SLC39A9: variants seen among roughly 807,000 people sequenced by gnomAD.
The protein encoded by SLC39A9 is solute carrier family 39 member 9.
Under a neutral mutation model 28.4 loss-of-function variants are expected in SLC39A9, and 14 were observed. The observed-to-expected ratio is 0.49, with a 90% CI of 0.33 to 0.77. SLC39A9 has a LOEUF of 0.77. SLC39A9 is among the 30% of genes least tolerant of loss of function. SLC39A9 has a pLI of 0.02. For missense variants in SLC39A9, 283 were observed against 381.1 expected (o/e 0.74, Z 2.14); for synonymous variants, 119 against 149.6 (o/e 0.80, Z 1.49).
In SLC39A9 at chr14:69,453,153, A is replaced by G. The variant is rs1022523965; in HGVS notation, c.404-88A>G. The G allele has an allele frequency of 1.8e-5, 21 of 1,138,946 alleles. No individual in the cohort carries two copies. In the South Asian group the frequency reaches 2.3e-4, roughly 13 times the overall value. 70.6% of individuals were successfully genotyped at this position (1,138,946 alleles called of 1,614,324 possible). On this transcript the variant is annotated intron_variant, in intron 3 of 6. Transcript: ENST00000336643. ...GGAGTTTGAGACCAGCCTGGCCAAC[A>G]TTAGTGAAATTCTTTCACCTCCAGA... is the stretch of plus-strand genomic sequence containing the variant.
rs1401385132 is a variant in SLC39A9, at chr14:69,459,005, T to C, written c.*412T>C. 1.0e-6 allele frequency: 1 copy of C among 992,302 alleles called. No homozygotes were observed. Among genetic ancestry groups the C allele is most frequent in the Admixed American group, 5.7e-5 (1 of 17,538 alleles). 61.5% of individuals were successfully genotyped at this position (992,302 alleles called of 1,614,324 possible). ...TTAGTTTAGAGGCTCTGCTACTTTA[T>C]CCATTGATTTTTAACATGGTTCCCA... On this transcript the variant is annotated 3_prime_UTR_variant, in exon 7 of 7. Transcript: ENST00000336643.
In SLC39A9 at chr14:69,455,930, C is replaced by T. The variant is rs117742817; in HGVS notation, c.693+64C>T. ...TGTGATCTCTTAGAATTTATGATCTCTTAGATTGAATTTTTCCAATACATT... is the reference window on the plus strand; with the variant it reads ...TGTGATCTCTTAGAATTTATGATCTTTTAGATTGAATTTTTCCAATACATT... On this transcript the variant is annotated intron_variant, in intron 6 of 6. Coordinates refer to ENST00000336643, the MANE Select transcript of SLC39A9 (RefSeq NM_018375.5). The T allele has an allele frequency of 3.6e-4, 555 of 1,560,786 alleles. 2 individuals are homozygous for T. In the East Asian group the frequency reaches 0.011, roughly 31 times the overall value.
At chr14:69,452,897 G>T (rs1885681482) in intron 3 of SLC39A9, among the ~76,000 whole-genome samples, 1 of 152,168 alleles carries the variant, frequency 6.6e-6, no homozygotes, top group Non-Finnish European at 1.5e-5. Context: ...AGAGGAAGAG[G>T]ATTAAGGAAT....
Position 69,459,539 on chromosome 14 carries a change from G to C in SLC39A9, c.*946G>C, listed in dbSNP as rs998469135. On this transcript the variant is annotated 3_prime_UTR_variant, in exon 7 of 7. Transcript: ENST00000336643. ...TTTTTAAAAGACTACCAAAATGTAT[G>C]GTTGTCCTTTTTTTTTGTTTTTTTT... 1.3e-4 allele frequency: 122 copies of C among 974,832 alleles called. No individual in the cohort carries two copies. The highest frequency in any genetic ancestry group is 1.5e-4 in the Non-Finnish European group (121 of 823,604). 60.4% of individuals were successfully genotyped at this position (974,832 alleles called of 1,614,324 possible).
At chr14:69,416,339 T>C (rs1206076133) in intron 1 of SLC39A9, among the ~76,000 whole-genome samples, 2 of 152,238 alleles carry the variant, frequency 1.3e-5, no homozygotes, top group African/African-American at 4.8e-5. Flanking sequence ...CCATGGTGTA[T>C]ATGTGCCACA....
rs1435457647 is a variant in SLC39A9, at chr14:69,459,934, T to A, written c.*1341T>A. On this transcript the variant is annotated 3_prime_UTR_variant, in exon 7 of 7. Coordinates refer to ENST00000336643, the MANE Select transcript of SLC39A9 (RefSeq NM_018375.5). The stretch of plus-strand genomic sequence containing the variant: ...AATTACCTTTGTGTCAAATGCCGCT[T>A]TGTTGAGCCCTTAAAATACCACCTC... 1 of 985,620 alleles carries A rather than the reference T, an allele frequency of 1.0e-6. No homozygotes were observed. Among genetic ancestry groups the A allele is most frequent in the Non-Finnish European group, 1.2e-6 (1 of 829,920 alleles). 61.1% of individuals were successfully genotyped at this position (985,620 alleles called of 1,614,324 possible).
intron 6 of SLC39A9, among the ~76,000 whole-genome samples, 160 bp downstream of exon 6, chr14:69,456,026 C>G (rs1198708135): frequency 6.6e-6 from 1 of 152,176 alleles, no homozygotes; most frequent in African/African-American, 2.4e-5. Flanking sequence ...CCAATGCGTC[C>G]TCTTCATATT....
At chr14:69,444,249 AT>A (rs1885188120) in intron 3 of SLC39A9, among the ~76,000 whole-genome samples, 1 of 152,182 alleles carries the variant, frequency 6.6e-6, no homozygotes, top group African/African-American at 2.4e-5. Flanking sequence ...ATAAAAACGC[AT>A]TTTTTTCAAG....
chr14:69,398,418 T>C (rs1328901018), upstream of SLC39A9: 1 of 741,616 alleles, frequency 1.3e-6, no homozygotes, highest in Admixed American at 2.6e-5. Flanking sequence ...AGCTACTGAC[T>C]CTGTTTCAGC....
chr14:69,419,745 C>A (rs1883778284), intron 1 of SLC39A9, among the ~76,000 whole-genome samples: 1 of 152,156 alleles, frequency 6.6e-6, no homozygotes, highest in African/African-American at 2.4e-5. Context: ...GATCCCTTTA[C>A]CATTATATAA....
At chr14:69,421,863 C>T (rs114186132) in intron 1 of SLC39A9, among the ~76,000 whole-genome samples, 6,885 of 152,184 alleles carry the variant, frequency 0.045, 212 homozygotes, top group South Asian at 0.11. Flanking sequence ...GTTGGAAAAG[C>T]GCAGTATTTG....
intron 3 of SLC39A9, among the ~76,000 whole-genome samples, chr14:69,448,121 A>C (rs1379022107): frequency 6.9e-6 from 1 of 144,438 alleles, no homozygotes; most frequent in East Asian, 2.2e-4. Context: ...AGGCTGAGGC[A>C]GGAGAATGGC....
intron 1 of SLC39A9, among the ~76,000 whole-genome samples, chr14:69,408,096 C>T (rs963103487): frequency 6.6e-6 from 1 of 151,790 alleles, no homozygotes; most frequent in Non-Finnish European, 1.5e-5. Flanking sequence ...TCACCACAAC[C>T]TCTCTCTTTG....
At chr14:69,418,972 T>G (rs1883734219) in intron 1 of SLC39A9, among the ~76,000 whole-genome samples, 1 of 152,184 alleles carries the variant, frequency 6.6e-6, no homozygotes, top group African/African-American at 2.4e-5. Flanking sequence ...ATTCATTGAT[T>G]TTTTTGAAGG....
At chr14:69,455,676 T>G (rs1186484794) in intron 5 of SLC39A9, 56 bp from the exon 6 acceptor site, 2 of 1,605,392 alleles carry the variant, frequency 1.2e-6, no homozygotes, top group East Asian at 2.2e-5. Context: ...TACTTCTTGA[T>G]GTAGAAGCAA....
chr14:69,448,231 A>G (rs1389335585), intron 3 of SLC39A9, among the ~76,000 whole-genome samples: 1 of 151,028 alleles, frequency 6.6e-6, no homozygotes, highest in Non-Finnish European at 1.5e-5. Context: ...AAAAAAAAAA[A>G]AAGCACAAAA....
chr14:69,425,905 TC>T (rs1231005798), intron 2 of SLC39A9, among the ~76,000 whole-genome samples: 3 of 152,068 alleles, frequency 2.0e-5, no homozygotes, highest in Non-Finnish European at 4.4e-5. Flanking sequence ...ACTCAAGCGA[TC>T]CTCCCAAGTT....
chr14:69,404,483 CT>C (rs1882804875), intron 1 of SLC39A9, among the ~76,000 whole-genome samples: 1 of 152,134 alleles, frequency 6.6e-6, no homozygotes, highest in Non-Finnish European at 1.5e-5. Flanking sequence ...ATAATAAAAA[CT>C]TTCAAAAATA....
intron 3 of SLC39A9, among the ~76,000 whole-genome samples, chr14:69,450,612 A>G (rs1885557798): frequency 6.6e-6 from 1 of 152,042 alleles, no homozygotes; most frequent in Non-Finnish European, 1.5e-5. Flanking sequence ...CATCTCTACA[A>G]AAAAGTACTT....
Sources: gnomAD v4.1 joint callset for allele counts (sites outside exome capture counted in the v4.1 genomes callset) on GRCh38, gnomAD v4.1.1 for gene constraint, MANE v1.5 for transcripts, NCBI Gene and HGNC (gene_info 2026-07-23, HGNC 2026-07-21) for gene names.